The following FBXO34 variants were observed in gnomAD, a reference collection of about 807,000 sequenced individuals.
FBXO34 encodes the protein F-box protein 34.
A neutral mutation model predicts 24.5 loss-of-function variants in FBXO34; 12 were observed. That is an observed-to-expected ratio of 0.49 (90% CI 0.31 to 0.79). FBXO34 has a LOEUF of 0.79. FBXO34 is among the 30% of genes least tolerant of loss of function. FBXO34 has a pLI of 0.04. For synonymous variants in FBXO34, 320 were observed against 311.9 expected (o/e 1.03, Z -0.27); for missense variants, 823 against 857.7 (o/e 0.96, Z 0.51).
the FBXO34 span, among the ~76,000 whole-genome samples, chr14:55,415,502 C>T: frequency 6.6e-6 from 1 of 152,196 alleles, no homozygotes; most frequent in Non-Finnish European, 1.5e-5. Flanking sequence ...TACGCACTTT[C>T]ATTGCAGCAC....
intron 1 of FBXO34, among the ~76,000 whole-genome samples, chr14:55,291,457 A>G (rs1881941783): frequency 1.3e-5 from 2 of 152,230 alleles, no homozygotes; most frequent in Admixed American, 1.3e-4. Flanking sequence ...GGTTAAAGGT[A>G]GATGAGAAAC....
intron 1 of FBXO34, chr14:55,299,031 G>A: frequency 6.2e-7 from 1 of 1,606,192 alleles, no homozygotes; most frequent in African/African-American, 1.3e-5. Flanking sequence ...GCAAGAACTT[G>A]GGGAGGAGAT....
chr14:55,385,191 T>A, the FBXO34 span, among the ~76,000 whole-genome samples: 1 of 152,216 alleles, frequency 6.6e-6, no homozygotes, highest in Non-Finnish European at 1.5e-5. Flanking sequence ...TAAATCCCCA[T>A]TTATCAGACA....
At chr14:55,276,752 A>G (rs1881358142) in intron 1 of FBXO34, among the ~76,000 whole-genome samples, 2 of 152,322 alleles carry the variant, frequency 1.3e-5, no homozygotes, top group South Asian at 4.1e-4. Flanking sequence ...AGACTATTAC[A>G]AGGTGATAGA....
chr14:55,281,514 G>A (rs1881542248), intron 1 of FBXO34, among the ~76,000 whole-genome samples: 1 of 152,164 alleles, frequency 6.6e-6, no homozygotes. Context: ...ATGAGAACCT[G>A]CTCTAGGTTT....
chr14:55,356,072 A>G (rs1884518188), downstream of FBXO34, among the ~76,000 whole-genome samples: 2 of 152,148 alleles, frequency 1.3e-5, no homozygotes. Flanking sequence ...GCAGGCTCTG[A>G]GCCGGTGGTT....
At chr14:55,336,764 A>G (rs1409566287) in intron 1 of FBXO34, among the ~76,000 whole-genome samples, 2 of 151,648 alleles carry the variant, frequency 1.3e-5, no homozygotes, top group African/African-American at 4.9e-5. Context: ...TTCAGGATGT[A>G]TCTGTAAGAG....
the FBXO34 span, among the ~76,000 whole-genome samples, chr14:55,380,386 A>T: frequency 6.6e-6 from 1 of 152,238 alleles, no homozygotes; most frequent in East Asian, 1.9e-4. Context: ...GACTTCACGT[A>T]CAACTGTAAG....
At chr14:55,436,539 TAAAAC>T in the FBXO34 span, 2 of 1,604,056 alleles carry the variant, frequency 1.2e-6, no homozygotes, top group Non-Finnish European at 8.5e-7. Context: ...TGTGCTCAAT[TAAAAC>T]AAAAATAAAA....
downstream of FBXO34, among the ~76,000 whole-genome samples, chr14:55,371,977 G>C (rs1390094624): frequency 5.3e-5 from 8 of 152,126 alleles, no homozygotes; most frequent in Admixed American, 5.2e-4. Context: ...TTAGCTCTGA[G>C]CACCCTCTTC....
At chr14:55,386,831 GA>G in the FBXO34 span, among the ~76,000 whole-genome samples, 7 of 152,184 alleles carry the variant, frequency 4.6e-5, no homozygotes, top group Non-Finnish European at 1.0e-4. Flanking sequence ...TCACTTGAAT[GA>G]CAAAAACAAG....
chr14:55,283,689 A>C (rs1881641019), intron 1 of FBXO34, among the ~76,000 whole-genome samples: 1 of 151,976 alleles, frequency 6.6e-6, no homozygotes, highest in Non-Finnish European at 1.5e-5. Context: ...TTGAACTCCT[A>C]ACCTCATGAT....
chr14:55,288,606 A>G (rs899134258), intron 1 of FBXO34, among the ~76,000 whole-genome samples: 3 of 152,170 alleles, frequency 2.0e-5, no homozygotes, highest in African/African-American at 7.2e-5. Context: ...AAATGATCCT[A>G]CTTGTAACTG....
At chr14:55,296,939 G>C (rs923092770) in intron 1 of FBXO34, among the ~76,000 whole-genome samples, 2 of 152,060 alleles carry the variant, frequency 1.3e-5, no homozygotes, top group Non-Finnish European at 2.9e-5. Flanking sequence ...GACTGTACCT[G>C]GTTATCTCCA....
In FBXO34 at chr14:55,285,813, T is replaced by G. The variant is rs949952620; in HGVS notation, c.-11+14276T>G. ...ACTTGTTCATGTTTCTCATGTTTAA[T>G]GGCTATGATTTAAATACATGTTGGT... On this transcript the variant is annotated intron_variant, in intron 1 of 1. Coordinates refer to ENST00000313833, the MANE Select transcript of FBXO34 (RefSeq NM_017943.4). 2.6e-5 allele frequency among the ~76,000 whole-genome samples: 4 copies of G among 152,360 alleles called. No individual in the cohort carries two copies. In the South Asian group the frequency reaches 6.2e-4, roughly 24 times the overall value.
downstream of FBXO34, among the ~76,000 whole-genome samples, chr14:55,372,433 T>C (rs549593312): frequency 1.8e-4 from 28 of 152,316 alleles, no homozygotes; most frequent in East Asian, 4.6e-3. Context: ...TCTGTTCAGC[T>C]GTGCAGTCTA....
chr14:55,375,691 CAAT>C, the FBXO34 span, among the ~76,000 whole-genome samples: 2 of 151,948 alleles, frequency 1.3e-5, no homozygotes, highest in Non-Finnish European at 2.9e-5. Context: ...ATATCCAGTT[CAAT>C]AATTATACCA....
chr14:55,421,859 T>C, the FBXO34 span, among the ~76,000 whole-genome samples: 2 of 152,208 alleles, frequency 1.3e-5, no homozygotes, highest in African/African-American at 4.8e-5. Context: ...GACATGTCAT[T>C]TTGCTGGATG....
At chr14:55,423,563 A>G in the FBXO34 span, among the ~76,000 whole-genome samples, 66 of 152,386 alleles carry the variant, frequency 4.3e-4, no homozygotes, top group East Asian at 0.012. Context: ...TGCTGGCTAA[A>G]GCCATCCTGC....
Sources: gnomAD v4.1 joint callset for allele counts (sites outside exome capture counted in the v4.1 genomes callset) on GRCh38, gnomAD v4.1.1 for gene constraint, MANE v1.5 for transcripts, NCBI Gene and HGNC (gene_info 2026-07-23, HGNC 2026-07-21) for gene names.